The following SRPK1 variants were observed in gnomAD, a reference collection of about 807,000 sequenced individuals.
The protein encoded by SRPK1 is SRSF protein kinase 1, also known as SFRS protein kinase 1.
A neutral mutation model predicts 89.5 loss-of-function variants in SRPK1; 52 were observed. The observed-to-expected ratio is 0.58, with a 90% CI of 0.46 to 0.73. The LOEUF is 0.73. SRPK1 is among the 30% of genes least tolerant of loss of function. The probability of loss-of-function intolerance (pLI) is 0.00; values close to 1 mark genes in which losing one functional copy is unlikely to be tolerated. For synonymous variants in SRPK1, 255 were observed against 270.2 expected (o/e 0.94, Z 0.55); for missense variants, 603 against 780.6 (o/e 0.77, Z 2.71).
chr6:35,869,962 C>T, intron 10 of SRPK1, 61 bp from the exon 11 acceptor site: 2 of 1,466,096 alleles, frequency 1.4e-6, no homozygotes, highest in Non-Finnish European at 9.1e-7. Context: ...AGAACAGAAA[C>T]ATTTCTCACA....
In SRPK1 at chr6:35,835,252, G is replaced by A. The variant is rs1410092092; in HGVS notation, c.*52C>T. The A allele has an allele frequency of 6.1e-6, 9 of 1,467,772 alleles. No homozygotes were observed. Among genetic ancestry groups the A allele is most frequent in the Non-Finnish European group, 8.3e-6 (9 of 1,081,852 alleles). 90.9% of individuals were successfully genotyped at this position (1,467,772 alleles called of 1,614,324 possible). Reference sequence around the variant, plus strand: ...AAAGGGAAGAGGAAAATGCTTGAAGGGGAAGGGCGGAGGGTCAGTGTGTGA... The same window carrying A: ...AAAGGGAAGAGGAAAATGCTTGAAGAGGAAGGGCGGAGGGTCAGTGTGTGA... On this transcript the variant is annotated 3_prime_UTR_variant, in exon 16 of 16. Coordinates refer to ENST00000373825, the MANE Select transcript of SRPK1 (RefSeq NM_003137.5).
intron 2 of SRPK1, among the ~76,000 whole-genome samples, chr6:35,916,242 A>AAATAAATAAATT (rs140873612): frequency 4.1e-5 from 6 of 148,034 alleles, no homozygotes; most frequent in Admixed American, 2.0e-4. Context: ...ATAAATAAAT[A>AAATAAATAAATT]AATTAATTAA....
chr6:35,836,178 G>A (rs1002903133), intron 15 of SRPK1, among the ~76,000 whole-genome samples: 21 of 152,046 alleles, frequency 1.4e-4, no homozygotes. Flanking sequence ...ATTCTCACAG[G>A]AGCGTGAATC....
chr6:35,915,682 G>T (rs1398460877), intron 2 of SRPK1, among the ~76,000 whole-genome samples: 1 of 151,830 alleles, frequency 6.6e-6, no homozygotes, highest in Non-Finnish European at 1.5e-5. Context: ...GTCTTTAAAG[G>T]TATATACAGG....
At chr6:35,915,993 T>A (rs768407880) in intron 2 of SRPK1, among the ~76,000 whole-genome samples, 5,899 of 50,216 alleles carry the variant, frequency 0.12, 1,154 homozygotes, top group African/African-American at 0.39. Context: ...AAAAAAAAAA[T>A]ATATACACAC....
At chr6:35,919,540 G>T (rs1218689690) in intron 2 of SRPK1, among the ~76,000 whole-genome samples, 1 of 152,128 alleles carries the variant, frequency 6.6e-6, no homozygotes, top group African/African-American at 2.4e-5. Context: ...TAATAACTAG[G>T]CATACAAGCT....
rs945793719 is a variant in SRPK1, at chr6:35,845,343, C to G, written c.1621-2739G>C. Among the ~76,000 whole-genome samples the G allele has an allele frequency of 3.3e-5, 5 of 152,148 alleles. No homozygotes were observed. The South Asian group carries it at 6.2e-4, about 19-fold the overall frequency. ...CAGCAGATCGACAGTTGGGGAGGCT[C>G]TGTGTGTGGGGAGCATATAAAACTT... On this transcript the variant is annotated intron_variant, in intron 13 of 15. Coordinates refer to ENST00000373825, the MANE Select transcript of SRPK1 (RefSeq NM_003137.5).
chr6:35,862,634 C>T (rs898158455), intron 12 of SRPK1, among the ~76,000 whole-genome samples: 2 of 152,136 alleles, frequency 1.3e-5, no homozygotes, highest in South Asian at 2.1e-4. Context: ...TATGACAGCA[C>T]CAAAGGACCA....
chr6:35,871,207 A>C (rs1770029435), intron 8 of SRPK1, among the ~76,000 whole-genome samples: 1 of 152,238 alleles, frequency 6.6e-6, no homozygotes, highest in Non-Finnish European at 1.5e-5. Context: ...GGTAAACTAA[A>C]GTTGCTAAAA....
At chr6:35,882,967 C>A (rs953556169) in intron 6 of SRPK1, among the ~76,000 whole-genome samples, 6 of 152,140 alleles carry the variant, frequency 3.9e-5, no homozygotes, top group Non-Finnish European at 7.4e-5. Flanking sequence ...TGCCACCACG[C>A]CTCGCTAATT....
intron 15 of SRPK1, among the ~76,000 whole-genome samples, chr6:35,837,348 A>C (rs111877528): frequency 0.016 from 2,423 of 152,304 alleles, 25 homozygotes; most frequent in Middle Eastern, 0.037. Flanking sequence ...TTCTTAGACC[A>C]AACGCCAGCA....
intron 8 of SRPK1, among the ~76,000 whole-genome samples, chr6:35,872,010 C>T (rs563824070): frequency 1.3e-5 from 2 of 152,302 alleles, no homozygotes; most frequent in South Asian, 2.1e-4. Context: ...CAAAGTGTTG[C>T]GTTACAGGCA....
intron 6 of SRPK1, among the ~76,000 whole-genome samples, chr6:35,884,085 A>C (rs1770354062): frequency 6.6e-6 from 1 of 152,142 alleles, no homozygotes; most frequent in South Asian, 2.1e-4. Context: ...TAAAGAAAAT[A>C]ACAAAAGGCT....
chr6:35,857,071 C>T lies in SRPK1; in HGVS notation c.1620+190G>A, dbSNP rs944227493. The T allele has an allele frequency of 1.6e-5, 8 of 512,490 alleles. No homozygotes were observed. In the Admixed American group the frequency reaches 2.1e-4, roughly 13 times the overall value. 31.7% of individuals were successfully genotyped at this position (512,490 alleles called of 1,614,324 possible). Reference sequence around the variant, plus strand: ...GTTCCTTCACCTAACAGGAACTTAGCAGTAACCAAATGAAATGCCAGACAG... The same window carrying T: ...GTTCCTTCACCTAACAGGAACTTAGTAGTAACCAAATGAAATGCCAGACAG... On this transcript the variant is annotated intron_variant, in intron 13 of 15. Coordinates refer to ENST00000373825, the MANE Select transcript of SRPK1 (RefSeq NM_003137.5).
intron 1 of SRPK1, 75 bp downstream of exon 1, chr6:35,920,969 G>A (rs1022293878): frequency 6.7e-7 from 1 of 1,491,832 alleles, no homozygotes; most frequent in Non-Finnish European, 9.0e-7. Context: ...GCAGTTAAGC[G>A]AAGCTCCCGG....
chr6:35,856,956 C>G (rs1274157987), intron 13 of SRPK1: 1 of 255,908 alleles, frequency 3.9e-6, no homozygotes, highest in Non-Finnish European at 7.4e-6. Context: ...TGCAAAGATA[C>G]TTGTAATCTC....
chr6:35,889,125 G>C (rs1193733001), intron 3 of SRPK1, among the ~76,000 whole-genome samples: 2 of 151,996 alleles, frequency 1.3e-5, no homozygotes, highest in Admixed American at 6.5e-5. Context: ...ATTAAAAAAA[G>C]TGAGTAAGAT....
intron 2 of SRPK1, among the ~76,000 whole-genome samples, chr6:35,893,707 A>G (rs546604440): frequency 6.6e-6 from 1 of 152,320 alleles, no homozygotes; most frequent in South Asian, 2.1e-4. Context: ...GGGACCAAAC[A>G]TCACACAGGT....
At chr6:35,913,412 C>T (rs541346712) in intron 2 of SRPK1, among the ~76,000 whole-genome samples, 1 of 152,214 alleles carries the variant, frequency 6.6e-6, no homozygotes, top group Admixed American at 6.5e-5. Flanking sequence ...TTGAATCACT[C>T]CAACTCGGGA....
Sources: allele counts gnomAD v4.1 joint callset (sites outside exome capture counted in the v4.1 genomes callset), GRCh38; gene constraint gnomAD v4.1.1; transcripts MANE v1.5; gene names NCBI Gene and HGNC (gene_info 2026-07-23, HGNC 2026-07-21).